Variants in CYTH4 observed in about 807,000 individuals in gnomAD.
CYTH4 encodes the protein cytohesin-4.
CYTH4 carries 22 observed loss-of-function variants against 57.5 expected under a neutral mutation model. The observed-to-expected ratio is 0.38, with a 90% CI of 0.27 to 0.55. CYTH4 has a LOEUF of 0.55. CYTH4 is among the 20% of genes least tolerant of loss of function. The pLI, the probability that CYTH4 is intolerant of heterozygous loss-of-function variation, is 0.74. For synonymous variants in CYTH4, 186 were observed against 206.5 expected, an observed-to-expected ratio of 0.90 and a Z score of 0.85; for missense variants, 420 against 535.6, an observed-to-expected ratio of 0.78 and a Z score of 2.13.
At position 37,296,038 on chromosome 22, in the gene CYTH4, CAAG is replaced by C. The variant is rs1171139732; in HGVS notation, c.211_213del (p.Lys71del). On this transcript the variant is annotated inframe_deletion, in exon 4 of 13. Coordinates refer to ENST00000248901, the MANE Select transcript of CYTH4 (RefSeq NM_013385.5). ...AGGAGAAGGAGCTGTGTATTGGGCG[CAAG>C]AAGTTCAACATGGACCCCGCCAAGG... 6.2e-7 allele frequency: 1 copy of C among 1,613,368 alleles called. No homozygotes were observed. The highest frequency in any genetic ancestry group is 8.5e-7 in the Non-Finnish European group (1 of 1,179,644).
chr22:37,302,145 A>C (rs899662297), intron 7 of CYTH4: 1 of 167,202 alleles, frequency 6.0e-6, no homozygotes, highest in Admixed American at 6.5e-5. Flanking sequence ...ACCTTCCAGA[A>C]CATTTGCCCT....
chr22:37,307,599 C>G (rs1331773342), intron 8 of CYTH4, among the ~76,000 whole-genome samples: 1 of 152,140 alleles, frequency 6.6e-6, no homozygotes, highest in East Asian at 1.9e-4. Flanking sequence ...CCTTAAAGAA[C>G]CAGCAAGCTC....
intron 1 of CYTH4, among the ~76,000 whole-genome samples, chr22:37,289,146 G>A (rs73884201): frequency 1.5e-3 from 232 of 152,294 alleles, no homozygotes; most frequent in African/African-American, 5.4e-3. Flanking sequence ...CTCAGCATGC[G>A]TCCCTGTTGC....
chr22:37,296,056 C>A lies in CYTH4; in HGVS notation c.225C>A (p.Asp75Glu). 1.9e-6 allele frequency: 3 copies of A among 1,612,822 alleles called. No homozygotes were observed. Among genetic ancestry groups the A allele is most frequent in the Non-Finnish European group, 2.5e-6 (3 of 1,179,344 alleles). Residue 75 changes from aspartate to glutamate, a missense_variant, in exon 4 of 13, where the codon GAC becomes GAA. By Grantham distance (45) the Asp-to-Glu change is conservative. Transcript: ENST00000248901. ...LCIGRKKFNM[D>E]PAKGIQYFIE... ...TTGGGCGCAAGAAGTTCAACATGGACCCCGCCAAGGTAGGTGGCTGTGGAG... is the reference window on the plus strand; with the variant it reads ...TTGGGCGCAAGAAGTTCAACATGGAACCCGCCAAGGTAGGTGGCTGTGGAG...
chr22:37,284,165 C>T (rs888335527), intron 1 of CYTH4, among the ~76,000 whole-genome samples: 10 of 152,236 alleles, frequency 6.6e-5, no homozygotes, highest in Admixed American at 3.9e-4. Flanking sequence ...TTGCTTCAGC[C>T]GGTACTAGGG....
At position 37,295,996 on chromosome 22, in the gene CYTH4, C is replaced by T. The variant is rs199752694; in HGVS notation, c.168-3C>T. ...GCCCAAGCTGACGTCCTCATGTCCA[C>T]AGCCGGATGGCCCAGAAGGAGAAGG... On this transcript the variant is annotated splice_region_variant and splice_polypyrimidine_tract_variant and intron_variant, in intron 3 of 12. Coordinates refer to ENST00000248901, the MANE Select transcript of CYTH4 (RefSeq NM_013385.5). This position sits in a 1 kb window ranked among gnomAD's most constrained non-coding sequence, Gnocchi z 4.1. The T allele has an allele frequency of 5.2e-4, 846 of 1,612,350 alleles. 3 individuals are homozygous for T. In the South Asian group the frequency reaches 5.3e-3, roughly 10 times the overall value.
intron 1 of CYTH4, among the ~76,000 whole-genome samples, chr22:37,285,972 A>G (rs967078984): frequency 3.9e-5 from 6 of 152,108 alleles, no homozygotes; most frequent in Non-Finnish European, 8.8e-5. Context: ...CACACTTGTC[A>G]ACCAGAAGGG....
intron 1 of CYTH4, 132 bp downstream of exon 1, chr22:37,282,720 A>T (rs966159992): frequency 2.1e-5 from 17 of 805,248 alleles, no homozygotes; most frequent in Non-Finnish European, 3.1e-5. Flanking sequence ...AGAAGCAAAC[A>T]TTTGTGGGCT....
chr22:37,297,933 G>T (rs1450408697), intron 5 of CYTH4: 2 of 355,632 alleles, frequency 5.6e-6, no homozygotes, highest in Non-Finnish European at 1.1e-5. Flanking sequence ...AGCCCTGGGT[G>T]TACACCAGTG....
chr22:37,289,478 A>T (rs1316776511), intron 1 of CYTH4, among the ~76,000 whole-genome samples: 2 of 152,218 alleles, frequency 1.3e-5, no homozygotes, highest in Non-Finnish European at 2.9e-5. Context: ...GAGCCAACTC[A>T]TTCTGCAACC....
intron 2 of CYTH4, 114 bp downstream of exon 2, chr22:37,292,817 C>T: frequency 9.7e-7 from 1 of 1,033,400 alleles, no homozygotes; most frequent in Non-Finnish European, 1.4e-6. Flanking sequence ...CCAACTCTGG[C>T]TCATATCAGC....
At chr22:37,310,781 C>A (rs1357637215) in intron 9 of CYTH4, among the ~76,000 whole-genome samples, 3 of 152,188 alleles carry the variant, frequency 2.0e-5, no homozygotes, top group Non-Finnish European at 4.4e-5. Context: ...CCAGCTCAAG[C>A]AGCTCCAGGG....
At chr22:37,300,837 G>A in intron 6 of CYTH4, 70 bp from the exon 7 acceptor site, 2 of 1,262,466 alleles carry the variant, frequency 1.6e-6, no homozygotes, top group East Asian at 4.9e-5. Context: ...CCTGGGAGAG[G>A]CAGGGCAGCT....
chr22:37,288,615 C>T (rs992001123), intron 1 of CYTH4, among the ~76,000 whole-genome samples: 2 of 151,002 alleles, frequency 1.3e-5, no homozygotes, highest in African/African-American at 2.4e-5. Context: ...CAGAGTGGGT[C>T]ACTAGGAGAA....
intron 2 of CYTH4, among the ~76,000 whole-genome samples, chr22:37,293,229 G>A (rs113412386): frequency 5.3e-5 from 8 of 152,194 alleles, no homozygotes; most frequent in African/African-American, 1.7e-4. Flanking sequence ...CAGTGGCTGT[G>A]CCCACCCCCA....
chr22:37,300,514 A>T (rs2071855), intron 6 of CYTH4, among the ~76,000 whole-genome samples: 1 of 151,874 alleles, frequency 6.6e-6, no homozygotes, highest in African/African-American at 2.4e-5. Flanking sequence ...CTAGCAAGGC[A>T]AAACCCCTGC....
At chr22:37,308,796 A>AT (rs1366687969) in intron 8 of CYTH4, among the ~76,000 whole-genome samples, 1 of 150,406 alleles carries the variant, frequency 6.6e-6, no homozygotes, top group East Asian at 2.0e-4. Context: ...GTGTGTGAAC[A>AT]TGCATGTGTG....
chr22:37,285,433 T>C (rs140485262), intron 1 of CYTH4, among the ~76,000 whole-genome samples: 374 of 152,270 alleles, frequency 2.5e-3, no homozygotes, highest in Middle Eastern at 6.8e-3. Context: ...TGGCCAGGCA[T>C]GGTGGCTCAC....
At chr22:37,283,542 C>A (rs983051111) in intron 1 of CYTH4, among the ~76,000 whole-genome samples, 1 of 152,072 alleles carries the variant, frequency 6.6e-6, no homozygotes, top group African/African-American at 2.4e-5. Context: ...CCTGGCCCCG[C>A]CCACTGGGCA....
Sources: allele counts gnomAD v4.1 joint callset (sites outside exome capture counted in the v4.1 genomes callset), GRCh38; gene constraint gnomAD v4.1.1; non-coding constraint Gnocchi (gnomAD v3.1); transcripts MANE v1.5; gene names NCBI Gene and HGNC (gene_info 2026-07-23, HGNC 2026-07-21).